The following NHSL2 variants were observed in gnomAD, a reference collection of about 807,000 sequenced individuals.
NHSL2 encodes NHS like 2.
Under a neutral mutation model 53.4 loss-of-function variants are expected in NHSL2, and 27 were observed. The observed-to-expected ratio is 0.51, with a 90% CI of 0.37 to 0.70. The LOEUF (loss-of-function observed/expected upper bound fraction) is 0.70. Ranked by LOEUF, NHSL2 falls within the 30% of genes least tolerant of loss-of-function variation. The pLI is 0.00. For synonymous variants in NHSL2, 408 were observed against 404.1 expected (o/e 1.01, Z -0.12); for missense variants, 892 against 980.1 (o/e 0.91, Z 1.20).
chrX:72,068,896 C>A (rs2042448204), intron 1 of NHSL2, among the ~76,000 whole-genome samples: 1 of 111,919 alleles, frequency 8.9e-6, no homozygotes, highest in Non-Finnish European at 1.9e-5. Context: ...CCACACTGGG[C>A]ATTCTTGTGG....
rs747849296 is a variant in NHSL2 at position 72,140,402 on chromosome X, T to C, written c.2854T>C (p.Phe952Leu). Reference protein sequence around the residue: ...TAPSSLVFTPFASSSDAFFSG... With the variant: ...TAPSSLVFTPLASSSDAFFSG... ...ACCCTCATCTCTTGTTTTCACGCCT[T>C]TTGCCAGTTCCTCTGATGCTTTCTT... Residue 952 changes from phenylalanine to leucine, a missense_variant, in exon 6 of 8, where the codon TTT becomes CTT. Coordinates refer to ENST00000633930, the MANE Select transcript of NHSL2 (RefSeq NM_001013627.3). 4.9e-5 allele frequency: 59 copies of C among 1,208,584 alleles called. No individual in the cohort carries two copies. The South Asian group carries it at 9.4e-4, about 19-fold the overall frequency.
intron 1 of NHSL2, among the ~76,000 whole-genome samples, chrX:72,053,540 CAG>C (rs756267923): frequency 1.8e-5 from 2 of 111,750 alleles, no homozygotes; most frequent in Non-Finnish European, 3.8e-5. Context: ...CATGATTTCA[CAG>C]AGATATTATT....
At chrX:72,044,519 C>CAAGGTAATTTTCTAACT (rs2042293811) in intron 1 of NHSL2, 1 of 575,746 alleles carries the variant, frequency 1.7e-6, no homozygotes, top group African/African-American at 2.3e-5. Flanking sequence ...AAGAGTGGCC[C>CAAGGTAATTTTCTAACT]GCTCTCTCCG....
At chrX:72,122,537 C>T (rs1345597171) in intron 1 of NHSL2, among the ~76,000 whole-genome samples, 1 of 109,336 alleles carries the variant, frequency 9.1e-6, no homozygotes, top group Non-Finnish European at 1.9e-5. Flanking sequence ...TCTCAATTTT[C>T]AGAAAAAGGA....
At chrX:71,980,559 GGGTGTGTGGGGTGTGTGTGTGT>G (rs757865320) in intron 1 of NHSL2, among the ~76,000 whole-genome samples, 17 of 14,586 alleles carry the variant, frequency 1.2e-3, no homozygotes, top group Admixed American at 1.8e-3. Context: ...TGTGTGTGTG[GGGTGTGTGGGGTGTGTGTGTGT>G]GTGTGTGTGT....
At chrX:72,104,665 T>G (rs548649894) in intron 1 of NHSL2, among the ~76,000 whole-genome samples, 1 of 111,688 alleles carries the variant, frequency 9.0e-6, no homozygotes. Context: ...TGGATTAGGA[T>G]AGCAGGAGAG....
At chrX:72,096,930 G>A (rs755058433) in intron 1 of NHSL2, among the ~76,000 whole-genome samples, 4 of 111,999 alleles carry the variant, frequency 3.6e-5, no homozygotes, top group South Asian at 7.3e-4. Flanking sequence ...GAAATGATAC[G>A]TGATTTTTAA....
intron 1 of NHSL2, among the ~76,000 whole-genome samples, chrX:71,995,691 C>A (rs747507162): frequency 2.7e-5 from 3 of 112,521 alleles, no homozygotes; most frequent in African/African-American, 9.7e-5. Flanking sequence ...ACCCCCAGCC[C>A]TGCTGGTCCC....
chrX:72,145,621 T>C lies in NHSL2; in HGVS notation c.*2047T>C, dbSNP rs891293881. Reference sequence around the variant, plus strand: ...ACTTAGAATTCCAAAAAACAGACATTTTCCTCTGTAGTAAATGAAGGAGCG... The same window carrying C: ...ACTTAGAATTCCAAAAAACAGACATCTTCCTCTGTAGTAAATGAAGGAGCG... On this transcript the variant is annotated 3_prime_UTR_variant, in exon 8 of 8. Coordinates refer to ENST00000633930, the MANE Select transcript of NHSL2 (RefSeq NM_001013627.3). 1.8e-5 allele frequency: 2 copies of C among 112,482 alleles called. No individual in the cohort carries two copies. The highest frequency in any genetic ancestry group is 6.5e-5 in the African/African-American group (2 of 30,959). 9.3% of individuals were successfully genotyped at this position (112,482 alleles called of 1,213,427 possible). A position where few individuals can be genotyped will look rare whatever the true frequency, so the allele number is the denominator to read the frequency against.
At chrX:71,918,602 G>C (rs1280259609) in intron 1 of NHSL2, among the ~76,000 whole-genome samples, 1 of 111,652 alleles carries the variant, frequency 9.0e-6, no homozygotes, top group African/African-American at 3.3e-5. Context: ...TGGGGGCTGA[G>C]GGGGAGGGCA....
At chrX:72,040,050 A>T (rs2042265107) in intron 1 of NHSL2, among the ~76,000 whole-genome samples, 2 of 112,493 alleles carry the variant, frequency 1.8e-5, no homozygotes, top group African/African-American at 3.2e-5. Flanking sequence ...TGCAACATTC[A>T]TACCTATGGG....
intron 1 of NHSL2, among the ~76,000 whole-genome samples, chrX:72,067,713 T>G (rs1176795482): frequency 8.9e-6 from 1 of 112,206 alleles, no homozygotes; most frequent in African/African-American, 3.2e-5. Context: ...CCAAGCCCTC[T>G]TTTCTGGCCT....
Position 72,113,608 on chromosome X carries a change from G to A in NHSL2, c.281-18471G>A, listed in dbSNP as rs139404410. ...AGCACCCTCCCCCAGCAACCGCTAT[G>A]TGACAAACCTCATTTCTTAAGTTAT... On this transcript the variant is annotated intron_variant, in intron 1 of 7. Transcript: ENST00000633930. 5.6e-3 allele frequency among the ~76,000 whole-genome samples: 627 copies of A among 112,526 alleles called. 4 individuals carry two copies. Among genetic ancestry groups the A allele is most frequent in the African/African-American group, 0.02 (607 of 30,979 alleles).
chrX:71,964,012 T>TGTATATATATACAC lies in NHSL2; in HGVS notation c.280+52645_280+52646insGTATATATATACAC, dbSNP rs1569467091. 1.3e-3 allele frequency among the ~76,000 whole-genome samples: 3 copies of TGTATATATATACAC among 2,270 alleles called. 1 individual carries two copies. Among genetic ancestry groups the TGTATATATATACAC allele is most frequent in the Non-Finnish European group, 0.012 (3 of 258 alleles). The allele number at this position is 2,270 out of a possible 115,157, so 2.0% of individuals were successfully genotyped here. On this transcript the variant is annotated intron_variant, in intron 1 of 7. Transcript: ENST00000633930. ...ATATATGTATATACATATATATATG[T>TGTATATATATACAC]ATATATATATATGTGTATATATATA...
chrX:72,093,725 T>G (rs7888331), intron 1 of NHSL2, among the ~76,000 whole-genome samples: 13,042 of 53,481 alleles, frequency 0.24, 931 homozygotes, highest in Non-Finnish European at 0.36. Flanking sequence ...TTGCTTGCTT[T>G]CTTTCTTTCT....
At chrX:72,044,449 C>T in intron 1 of NHSL2, 1 of 451,819 alleles carries the variant, frequency 2.2e-6, no homozygotes, top group East Asian at 3.7e-5. Flanking sequence ...TCAGGTGGCC[C>T]CCATTCCTCT....
chrX:71,987,340 G>A (rs1381103440), intron 1 of NHSL2, among the ~76,000 whole-genome samples: 1 of 112,811 alleles, frequency 8.9e-6, no homozygotes, highest in African/African-American at 3.2e-5. Flanking sequence ...TACCAGGTCT[G>A]GAGTCTAGAA....
At chrX:72,051,278 A>G (rs2042339065) in intron 1 of NHSL2, among the ~76,000 whole-genome samples, 1 of 112,240 alleles carries the variant, frequency 8.9e-6, no homozygotes, top group Non-Finnish European at 1.9e-5. Flanking sequence ...TTTTACCATT[A>G]CCAACTATGT....
intron 1 of NHSL2, chrX:72,128,910 A>G (rs1172546022): frequency 1.8e-5 from 2 of 113,720 alleles, no homozygotes; most frequent in Admixed American, 1.8e-4. Flanking sequence ...CAATGGCAGA[A>G]TGATCGTTGC....
Sources: allele counts gnomAD v4.1 joint callset (sites outside exome capture counted in the v4.1 genomes callset), GRCh38; gene constraint gnomAD v4.1.1; transcripts MANE v1.5; gene names NCBI Gene and HGNC (gene_info 2026-07-23, HGNC 2026-07-21).